FNDC5: variants seen among roughly 807,000 people sequenced by gnomAD.
FNDC5 encodes fibronectin type III domain containing 5.
In FNDC5, 10 loss-of-function variants were observed where a neutral mutation model predicts 24.6. The ratio of observed to expected loss-of-function variants is 0.41; its 90% CI spans 0.25 to 0.69. The LOEUF (loss-of-function observed/expected upper bound fraction) is 0.69, where lower values mean the gene tolerates loss of function less well. Among genes scored for constraint, FNDC5 ranks in the 30% least tolerant of loss-of-function variants. FNDC5 has a pLI of 0.34. For synonymous variants in FNDC5, 90 were observed against 110.7 expected, an observed-to-expected ratio of 0.81 and a Z score of 1.18; for missense variants, 226 against 282.9, an observed-to-expected ratio of 0.80 and a Z score of 1.44.
chr1:32,866,862 G>C (rs1055706572), intron 4 of FNDC5, among the ~76,000 whole-genome samples: 5 of 152,136 alleles, frequency 3.3e-5, no homozygotes, highest in African/African-American at 1.2e-4. Flanking sequence ...TGGTTGAATT[G>C]AGTACAAAGA....
At chr1:32,864,937 G>T in intron 4 of FNDC5, 140 bp from the exon 5 acceptor site, 3 of 1,313,510 alleles carry the variant, frequency 2.3e-6, no homozygotes, top group Non-Finnish European at 3.1e-6. Context: ...CTGCCCTCTG[G>T]CTCCTGTTTT....
At position 32,864,165 on chromosome 1, in the gene FNDC5, G is replaced by A; in HGVS notation, c.*129C>T. ...GAGGACAGTAAGCCAGAGGGTACAA[G>A]GAGATGGAGGGAAGAGATGTAGAGA... On this transcript the variant is annotated 3_prime_UTR_variant, in exon 6 of 6. Transcript: ENST00000373471. 1 of 1,595,576 alleles carries A rather than the reference G, an allele frequency of 6.3e-7. No individual in the cohort carries two copies. Among genetic ancestry groups the A allele is most frequent in the Non-Finnish European group, 8.5e-7 (1 of 1,170,402 alleles).
At chr1:32,870,095 AAGAC>A (rs1464020006) in intron 1 of FNDC5, among the ~76,000 whole-genome samples, 4 of 152,080 alleles carry the variant, frequency 2.6e-5, no homozygotes, top group Admixed American at 2.6e-4. Flanking sequence ...AGGAGGGACA[AAGAC>A]AGAGTGGCAG....
chr1:32,867,548 A>T (rs1181910067), intron 4 of FNDC5, among the ~76,000 whole-genome samples: 1 of 152,224 alleles, frequency 6.6e-6, no homozygotes, highest in East Asian at 1.9e-4. Flanking sequence ...TAAGGCAGCT[A>T]ACAATATGCT....
rs1641009180 is a variant in FNDC5, at chr1:32,863,883, C to T, written c.*411G>A. On this transcript the variant is annotated 3_prime_UTR_variant, in exon 6 of 6. Coordinates refer to ENST00000373471, the MANE Select transcript of FNDC5 (RefSeq NM_153756.3). ...GAAGGGAGCAGCAGCAGGGCTGTAG[C>T]CTAAATAAGCCAAGCTCTTGTCCCT... 8.4e-6 allele frequency: 11 copies of T among 1,303,798 alleles called. No homozygotes were observed. Among genetic ancestry groups the T allele is most frequent in the Non-Finnish European group, 1.0e-5 (10 of 990,070 alleles). 80.8% of individuals were successfully genotyped at this position (1,303,798 alleles called of 1,614,324 possible).
At chr1:32,871,355 G>T (rs1570569), upstream of FNDC5, among the ~76,000 whole-genome samples, 21,631 of 152,072 alleles carry the variant, frequency 0.14, 1,913 homozygotes, top group South Asian at 0.23. Flanking sequence ...TCACAGTAAG[G>T]CTGGGGTGAG....
chr1:32,867,240 C>T (rs1002280480), intron 4 of FNDC5, among the ~76,000 whole-genome samples: 4 of 151,822 alleles, frequency 2.6e-5, no homozygotes, highest in South Asian at 2.1e-4. Context: ...GAACAGTATG[C>T]GGTGGGGGTG....
chr1:32,871,332 C>G (rs1268592751), upstream of FNDC5, among the ~76,000 whole-genome samples: 1 of 151,928 alleles, frequency 6.6e-6, no homozygotes, highest in Non-Finnish European at 1.5e-5. Flanking sequence ...CAGACGGGAG[C>G]AGAGGGGAGA....
rs1641038514 is a variant in FNDC5 at position 32,864,766 on chromosome 1, G to A, written c.531C>T (p.Asp177=). The change falls in exon 5 of 6, where the codon GAC becomes GAT. Residue 177 remains aspartate (D), a synonymous_variant. Coordinates refer to ENST00000373471, the MANE Select transcript of FNDC5 (RefSeq NM_153756.3). Reference sequence around the variant, plus strand: ...TATTGGGTTCATTGTCCTTGATGATGTCATACTGGCGGCAGAAGAGGGCAA... The same window carrying A: ...TATTGGGTTCATTGTCCTTGATGATATCATACTGGCGGCAGAAGAGGGCAA... 1.9e-6 allele frequency: 3 copies of A among 1,614,184 alleles called. No homozygotes were observed. The South Asian group carries it at 3.3e-5, about 18-fold the overall frequency.
chr1:32,870,838 C>T lies in FNDC5; in HGVS notation c.-92G>A, dbSNP rs1641170375. On this transcript the variant is annotated 5_prime_UTR_variant, in exon 1 of 6. Transcript: ENST00000373471. ...CTCGCGCTCGCGCTCCGGCCCCCGG[C>T]CCGGCCGGCCCGGCCGCTCCGGCCG... is the stretch of plus-strand genomic sequence containing the variant. 1 of 265,058 alleles carries T rather than the reference C, an allele frequency of 3.8e-6. No individual in the cohort carries two copies. Among genetic ancestry groups the T allele is most frequent in the African/African-American group, 2.4e-5 (1 of 41,706 alleles). The allele number at this position is 265,058 out of a possible 1,614,324, so 16.4% of individuals were successfully genotyped here.
At chr1:32,871,392 C>A (rs1459362761), upstream of FNDC5, among the ~76,000 whole-genome samples, 1 of 152,154 alleles carries the variant, frequency 6.6e-6, no homozygotes, top group African/African-American at 2.4e-5. Flanking sequence ...GACACTAGGG[C>A]TCCGTGTTTC....
At chr1:32,865,096 G>T (rs925836913) in intron 4 of FNDC5, among the ~76,000 whole-genome samples, 3 of 151,838 alleles carry the variant, frequency 2.0e-5, no homozygotes, top group African/African-American at 4.8e-5. Context: ...CAGCACTTTG[G>T]TTTTGTTTTT....
Position 32,870,730 on chromosome 1 carries a change from G to T in FNDC5, c.17C>A (p.Pro6Gln). 1.7e-6 allele frequency: 2 copies of T among 1,165,328 alleles called. No homozygotes were observed. Among genetic ancestry groups the T allele is most frequent in the South Asian group, 4.2e-5 (1 of 23,662 alleles). The allele number at this position is 1,165,328 out of a possible 1,614,324, so 72.2% of individuals were successfully genotyped here. A position where few individuals can be genotyped will look rare whatever the true frequency, so the allele number is the denominator to read the frequency against. ...GCGGGCGCGGGGCGGCCAGGCGCTC[G>T]GCGACCCGGGGTGTATGGTGGCTCC... The change falls in exon 1 of 6, where the codon CCG (proline) becomes CAG (glutamine). Residue 6 changes from proline to glutamine, a missense_variant. Physicochemically the swap from Pro to Gln is moderately conservative, Grantham distance 76 (BLOSUM62 -1). Coordinates refer to ENST00000373471, the MANE Select transcript of FNDC5 (RefSeq NM_153756.3).
In FNDC5 at chr1:32,864,159, G is replaced by C. The variant is rs1641023236; in HGVS notation, c.*135C>G. 1.9e-6 allele frequency: 3 copies of C among 1,590,214 alleles called. 1 individual carries two copies. The highest frequency in any genetic ancestry group is 2.3e-5 in the South Asian group (2 of 86,404). On this transcript the variant is annotated 3_prime_UTR_variant, in exon 6 of 6. Coordinates refer to ENST00000373471, the MANE Select transcript of FNDC5 (RefSeq NM_153756.3). ...CAGAGAGAGGACAGTAAGCCAGAGG[G>C]TACAAGGAGATGGAGGGAAGAGATG... is the stretch of plus-strand genomic sequence containing the variant.
Position 32,869,006 on chromosome 1 carries a change from C to CG in FNDC5, c.95-10dup. 1 of 1,228,474 alleles carries CG rather than the reference C, an allele frequency of 8.1e-7. No individual in the cohort carries two copies. Among genetic ancestry groups the CG allele is most frequent in the Non-Finnish European group, 1.0e-6 (1 of 984,186 alleles). 76.1% of individuals were successfully genotyped at this position (1,228,474 alleles called of 1,614,324 possible). A position where few individuals can be genotyped will look rare whatever the true frequency, so the allele number is the denominator to read the frequency against. On this transcript the variant is annotated splice_polypyrimidine_tract_variant and intron_variant, in intron 1 of 5. Coordinates refer to ENST00000373471, the MANE Select transcript of FNDC5 (RefSeq NM_153756.3). ...TGGGGCTGAGGGACTGTCTGGGGGACGGGGAGGCACCTAAGCCTGAGCATC... is the reference window on the plus strand; with the variant it reads ...TGGGGCTGAGGGACTGTCTGGGGGACGGGGGAGGCACCTAAGCCTGAGCATC...
At chr1:32,867,910 C>G in intron 3 of FNDC5, 68 bp from the exon 4 acceptor site, 1 of 1,484,546 alleles carries the variant, frequency 6.7e-7, no homozygotes, top group Non-Finnish European at 9.4e-7. Context: ...GGGCCAAGCC[C>G]AAGACAACAG....
rs1641125203 is a variant in FNDC5 at position 32,868,825 on chromosome 1, C to G, written c.210+57G>C. The G allele has an allele frequency of 8.9e-7, 1 of 1,125,692 alleles. No homozygotes were observed. The highest frequency in any genetic ancestry group is 1.1e-6 in the Non-Finnish European group (1 of 879,142). The allele number at this position is 1,125,692 out of a possible 1,614,324, so 69.7% of individuals were successfully genotyped here. A position where few individuals can be genotyped will look rare whatever the true frequency, so the allele number is the denominator to read the frequency against. ...CACCACCACTGCCACACTCCTACCCCCATCTGCCACTACTGTCTTGATGTG... is the reference window on the plus strand; with the variant it reads ...CACCACCACTGCCACACTCCTACCCGCATCTGCCACTACTGTCTTGATGTG... On this transcript the variant is annotated intron_variant, in intron 2 of 5. Coordinates refer to ENST00000373471, the MANE Select transcript of FNDC5 (RefSeq NM_153756.3). The surrounding 1 kb of genome is among the most constrained non-coding windows in gnomAD (Gnocchi z 4.8).
At chr1:32,871,017 C>G (rs1395010336), upstream of FNDC5, 1 of 149,368 alleles carries the variant, frequency 6.7e-6, no homozygotes. Flanking sequence ...GACCGGAGGG[C>G]GCCCCCACTC....
rs943195586 is a variant in FNDC5, at chr1:32,868,126, C to T, written c.409+64G>A. 1 of 1,569,154 alleles carries T rather than the reference C, an allele frequency of 6.4e-7. No homozygotes were observed. Among genetic ancestry groups the T allele is most frequent in the Non-Finnish European group, 8.7e-7 (1 of 1,149,084 alleles). On this transcript the variant is annotated intron_variant, in intron 3 of 5. Transcript: ENST00000373471. This position sits in a 1 kb window ranked among gnomAD's most constrained non-coding sequence, Gnocchi z 4.8. The stretch of plus-strand genomic sequence containing the variant: ...GAGACAGAGCTTTCCTCAAGCCACC[C>T]ACTGGTCTGGTCCTGACCACCCCTC...
Sources: gnomAD v4.1 joint callset for allele counts (sites outside exome capture counted in the v4.1 genomes callset) on GRCh38, gnomAD v4.1.1 for gene constraint, Gnocchi (gnomAD v3.1) non-coding constraint, MANE v1.5 for transcripts, NCBI Gene and HGNC (gene_info 2026-07-23, HGNC 2026-07-21) for gene names.